The following ESAM variants were observed in gnomAD, a reference collection of about 807,000 sequenced individuals.
ESAM encodes endothelial cell adhesion molecule, also known as endothelial cell-selective adhesion molecule.
A neutral mutation model predicts 31.8 loss-of-function variants in ESAM; 23 were observed. The observed-to-expected ratio is 0.72, with a 90% confidence interval of 0.52 to 1.03. ESAM has a LOEUF of 1.03. Ranked by LOEUF, ESAM falls within the 50% of genes least tolerant of loss-of-function variation. The pLI is 0.00. For synonymous variants in ESAM, 216 were observed against 207.2 expected (o/e 1.04, Z -0.37); for missense variants, 478 against 488.9 (o/e 0.98, Z 0.21).
intron 1 of ESAM, among the ~76,000 whole-genome samples, chr11:124,761,024 G>A (rs1425561704): frequency 1.3e-5 from 2 of 152,130 alleles, no homozygotes; most frequent in East Asian, 1.9e-4. Context: ...TGCATGCCCC[G>A]ACACCTGTGG....
Position 124,754,042 on chromosome 11 carries a change from C to T in ESAM, c.858-81G>A. 1 of 1,566,578 alleles carries T rather than the reference C, an allele frequency of 6.4e-7. No individual in the cohort carries two copies. Among genetic ancestry groups the T allele is most frequent in the Non-Finnish European group, 8.7e-7 (1 of 1,151,462 alleles). On this transcript the variant is annotated intron_variant, in intron 6 of 6. Transcript: ENST00000278927. This position sits in a 1 kb window ranked among gnomAD's most constrained non-coding sequence, Gnocchi z 4.5. ...GTTTCTACCTGCTTGGTCTTATATA[C>T]CACCTCTGCCTGCACACTTCAGTAC...
In ESAM at chr11:124,756,220, A is replaced by C. The variant is rs372960582; in HGVS notation, c.594T>G (p.Phe198Leu). 6.2e-7 allele frequency: 1 copy of C among 1,613,734 alleles called. No individual in the cohort carries two copies. Among genetic ancestry groups the C allele is most frequent in the Non-Finnish European group, 8.5e-7 (1 of 1,180,036 alleles). The change falls in exon 4 of 7, where the codon TTT becomes TTG. Residue 198 changes from phenylalanine to leucine, a missense_variant. Physicochemically the swap from Phe to Leu is conservative, Grantham distance 22. Transcript: ENST00000278927. ...TAGTGTCCTCACCTAATGCTGGTGC[A>C]AAGAAAGTCTGGAAGGATGGAAGCT... is the stretch of plus-strand genomic sequence containing the variant. ...DRQLPSFQTF[F>L]APALDVIRGS...
intron 1 of ESAM, 124 bp downstream of exon 1, chr11:124,761,961 G>A (rs1014498645): frequency 2.4e-6 from 2 of 843,372 alleles, no homozygotes; most frequent in African/African-American, 1.7e-5. Flanking sequence ...AGTGGGATTA[G>A]GAGGTCAGGG....
In ESAM at chr11:124,758,427, G is replaced by A. The variant is rs2134461109; in HGVS notation, c.171C>T (p.His57=). Residue 57 remains histidine, a synonymous_variant, in exon 2 of 7, where the codon CAC becomes CAT. Coordinates refer to ENST00000278927, the MANE Select transcript of ESAM (RefSeq NM_138961.3). ...ATGGCTGGGATGAAGACACCTCCCC[G>A]TGCAAGGTGTACCACGCTGGAAGCA... ...EVVLPAWYTL[H]GEVSSSQPWE... is the part of the protein sequence containing the mutation. 1 of 1,614,018 alleles carries A rather than the reference G, an allele frequency of 6.2e-7. No individual in the cohort carries two copies. The highest frequency in any genetic ancestry group is 2.2e-5 in the East Asian group (1 of 44,842).
chr11:124,758,430 C>T lies in ESAM; in HGVS notation c.168G>A (p.Leu56=). 2 of 1,614,134 alleles carry T rather than the reference C, an allele frequency of 1.2e-6. No individual in the cohort carries two copies. Among genetic ancestry groups the T allele is most frequent in the Non-Finnish European group, 1.7e-6 (2 of 1,180,028 alleles). ...GCTGGGATGAAGACACCTCCCCGTGCAAGGTGTACCACGCTGGAAGCACCA... is the reference window on the plus strand; with the variant it reads ...GCTGGGATGAAGACACCTCCCCGTGTAAGGTGTACCACGCTGGAAGCACCA... The part of the protein sequence containing the change: ...GEVVLPAWYT[L]HGEVSSSQPW... Residue 56 remains leucine (L), a synonymous_variant, in exon 2 of 7, where the codon TTG becomes TTA. Transcript: ENST00000278927.
At position 124,754,558 on chromosome 11, in the gene ESAM, C is replaced by T; in HGVS notation, c.730+83G>A. ...TCCGTGCCCTGCTACAGAGACAGGC[C>T]TCAGCAGACAGGCCTCCTCCCCACT... On this transcript the variant is annotated intron_variant, in intron 5 of 6. Transcript: ENST00000278927. This position sits in a 1 kb window ranked among gnomAD's most constrained non-coding sequence, Gnocchi z 4.5. 1 of 1,552,500 alleles carries T rather than the reference C, an allele frequency of 6.4e-7. No individual in the cohort carries two copies. The highest frequency in any genetic ancestry group is 8.7e-7 in the Non-Finnish European group (1 of 1,147,946).
intron 2 of ESAM, among the ~76,000 whole-genome samples, chr11:124,757,696 T>C (rs1420743045): frequency 7.1e-6 from 1 of 140,784 alleles, no homozygotes; most frequent in African/African-American, 3.0e-5. Flanking sequence ...ATGCTAACTT[T>C]TTTTTTTTTT....
chr11:124,753,627 C>G lies in ESAM; in HGVS notation c.*19G>C. ...GAAGGAGAGACCCCAAATCCTTTAGCCAATGAGTGGTGGGGTCATCATACC... is the reference window on the plus strand; with the variant it reads ...GAAGGAGAGACCCCAAATCCTTTAGGCAATGAGTGGTGGGGTCATCATACC... On this transcript the variant is annotated 3_prime_UTR_variant, in exon 7 of 7. Transcript: ENST00000278927. The G allele has an allele frequency of 1.2e-6, 2 of 1,612,874 alleles. No individual in the cohort carries two copies. The highest frequency in any genetic ancestry group is 1.1e-5 in the South Asian group (1 of 91,076).
rs894401111 is a variant in ESAM at position 124,753,314 on chromosome 11, G to A, written c.*332C>T. On this transcript the variant is annotated 3_prime_UTR_variant, in exon 7 of 7. Transcript: ENST00000278927. ...GCCAAGGGTGGTGTTAGATAGGGGT[G>A]GGGTACAGATCAAGGGGGCCTGGGA... 3.1e-6 allele frequency: 1 copy of A among 326,836 alleles called. No homozygotes were observed. The highest frequency in any genetic ancestry group is 5.7e-6 in the Non-Finnish European group (1 of 176,838). The allele number at this position is 326,836 out of a possible 1,614,324, so 20.2% of individuals were successfully genotyped here.
In ESAM at chr11:124,758,346, C is replaced by T. The variant is rs1944181329; in HGVS notation, c.249+3G>A. 1.2e-6 allele frequency: 2 copies of T among 1,614,046 alleles called. No homozygotes were observed. Among genetic ancestry groups the T allele is most frequent in the Non-Finnish European group, 1.7e-6 (2 of 1,180,036 alleles). On this transcript the variant is annotated splice_donor_region_variant and intron_variant, in intron 2 of 6. Coordinates refer to ENST00000278927, the MANE Select transcript of ESAM (RefSeq NM_138961.3). The stretch of plus-strand genomic sequence containing the variant: ...CGCTGGCTGACAGGCGTTCTTCCCT[C>T]ACCTGATCCTCCTTTTCTTTCTGTT...
chr11:124,758,046 G>T (rs1238221207), intron 2 of ESAM, among the ~76,000 whole-genome samples: 1 of 151,988 alleles, frequency 6.6e-6, no homozygotes, highest in Non-Finnish European at 1.5e-5. Context: ...TCCCCTAAGC[G>T]TTTCCCAGTC....
At chr11:124,756,894 G>T (rs1047704044) in intron 2 of ESAM, 152 bp from the exon 3 acceptor site, 3 of 772,766 alleles carry the variant, frequency 3.9e-6, no homozygotes, top group Non-Finnish European at 6.4e-6. Context: ...TTCACCTTTT[G>T]TCCCTAGCCC....
At position 124,762,071 on chromosome 11, in the gene ESAM, C is replaced by T; in HGVS notation, c.70+14G>A. Reference sequence around the variant, plus strand: ...CCGCATCCCAAGTCCCCTCCAGGTCCGGGTTTCACTCACCGAGGGCACTCA... The same window carrying T: ...CCGCATCCCAAGTCCCCTCCAGGTCTGGGTTTCACTCACCGAGGGCACTCA... On this transcript the variant is annotated intron_variant, in intron 1 of 6. Coordinates refer to ENST00000278927, the MANE Select transcript of ESAM (RefSeq NM_138961.3). The surrounding 1 kb of genome is among the most constrained non-coding windows in gnomAD (Gnocchi z 6.4). 6.2e-7 allele frequency: 1 copy of T among 1,609,490 alleles called. No homozygotes were observed. The highest frequency in any genetic ancestry group is 8.5e-7 in the Non-Finnish European group (1 of 1,177,886).
chr11:124,761,666 G>A (rs1944230306), intron 1 of ESAM, among the ~76,000 whole-genome samples: 1 of 152,014 alleles, frequency 6.6e-6, no homozygotes, highest in South Asian at 2.1e-4. Context: ...ATTTCCCCGG[G>A]GGATCTTCCT....
chr11:124,758,275 A>C, intron 2 of ESAM, 74 bp downstream of exon 2: 6 of 1,574,318 alleles, frequency 3.8e-6, no homozygotes, highest in African/African-American at 1.4e-5. Context: ...CACCCCTCCC[A>C]CCGCTACCAG....
chr11:124,760,355 C>T (rs2134463352), intron 1 of ESAM, among the ~76,000 whole-genome samples: 1 of 152,386 alleles, frequency 6.6e-6, no homozygotes, highest in African/African-American at 2.4e-5. Flanking sequence ...GAAAGGGACC[C>T]TTCCGGCCCA....
At chr11:124,755,240 T>C (rs182304676) in intron 4 of ESAM, among the ~76,000 whole-genome samples, 87 of 152,222 alleles carry the variant, frequency 5.7e-4, no homozygotes, top group Admixed American at 9.2e-4. Flanking sequence ...GACTAATCAT[T>C]ATAACAGTGA....
In ESAM at chr11:124,753,307, T is replaced by G. The variant is rs932848806; in HGVS notation, c.*339A>C. On this transcript the variant is annotated 3_prime_UTR_variant, in exon 7 of 7. Transcript: ENST00000278927. ...AGTGGGAGCCAAGGGTGGTGTTAGA[T>G]AGGGGTGGGGTACAGATCAAGGGGG... 3 of 274,480 alleles carry G rather than the reference T, an allele frequency of 1.1e-5. No individual in the cohort carries two copies. Among genetic ancestry groups the G allele is most frequent in the Non-Finnish European group, 2.1e-5 (3 of 145,144 alleles). The allele number at this position is 274,480 out of a possible 1,614,324, so 17.0% of individuals were successfully genotyped here. A position where few individuals can be genotyped will look rare whatever the true frequency, so the allele number is the denominator to read the frequency against.
rs779051556 is a variant in ESAM at position 124,756,529 on chromosome 11, C to A, written c.451+12G>T. The A allele has an allele frequency of 1.2e-6, 2 of 1,612,776 alleles. No homozygotes were observed. Among genetic ancestry groups the A allele is most frequent in the Non-Finnish European group, 1.7e-6 (2 of 1,179,072 alleles). On this transcript the variant is annotated intron_variant, in intron 3 of 6. Coordinates refer to ENST00000278927, the MANE Select transcript of ESAM (RefSeq NM_138961.3). Reference sequence around the variant, plus strand: ...AGGTGGGGAGGGGTCCGGAAATCTGCTTCTCACTCACCCAGTACATTGAGT... The same window carrying A: ...AGGTGGGGAGGGGTCCGGAAATCTGATTCTCACTCACCCAGTACATTGAGT...
Sources: gnomAD v4.1 joint callset for allele counts (sites outside exome capture counted in the v4.1 genomes callset) on GRCh38, gnomAD v4.1.1 for gene constraint, Gnocchi (gnomAD v3.1) non-coding constraint, MANE v1.5 for transcripts, NCBI Gene and HGNC (gene_info 2026-07-23, HGNC 2026-07-21) for gene names.